The following USP9Y variants were observed in gnomAD, a reference collection of about 807,000 sequenced individuals.
The protein encoded by USP9Y is ubiquitin carboxyl-terminal hydrolase 9Y.
A neutral mutation model predicts 53.1 loss-of-function variants in USP9Y; 41 were observed. That is an observed-to-expected ratio of 0.77 (90% CI 0.60 to 1.00). The LOEUF (loss-of-function observed/expected upper bound fraction) is 1.00, where lower values mean the gene tolerates loss of function less well. USP9Y is among the 50% of genes least tolerant of loss of function. The pLI is 0.00. For synonymous variants in USP9Y, 220 were observed against 173.7 expected, an observed-to-expected ratio of 1.27 and a Z score of -2.09; for missense variants, 567 against 535.8, an observed-to-expected ratio of 1.06 and a Z score of -0.58.
intron 15 of USP9Y, among the ~76,000 whole-genome samples, chrY:12,761,890 A>G (rs2053475696): frequency 3.0e-5 from 1 of 33,765 alleles, no homozygotes; most frequent in African/African-American, 1.2e-4. Context: ...AAAGTCACAT[A>G]AAATAATAGA....
At chrY:12,767,310 T>A in intron 15 of USP9Y, among the ~76,000 whole-genome samples, 3 of 33,111 alleles carry the variant, frequency 9.1e-5, no homozygotes, top group Admixed American at 8.3e-4. Context: ...TCAGCCAAAT[T>A]ATCTTTCAAA....
chrY:12,822,277 C>T (rs2053542278), intron 33 of USP9Y, among the ~76,000 whole-genome samples: 1 of 32,962 alleles, frequency 3.0e-5, no homozygotes, highest in Non-Finnish European at 7.4e-5. Context: ...TGATATTAGG[C>T]CCTTAAAGAT....
intron 14 of USP9Y, among the ~76,000 whole-genome samples, chrY:12,760,144 A>T: frequency 2.9e-5 from 1 of 34,007 alleles, no homozygotes. Flanking sequence ...AGAACTATGT[A>T]TTTTTTGTGA....
intron 2 of USP9Y, 137 bp downstream of exon 2, chrY:12,708,830 G>A: frequency 8.8e-5 from 3 of 34,093 alleles, no homozygotes; most frequent in Admixed American, 8.0e-4. Context: ...TACACATTTA[G>A]CTTTTTATTT....
At chrY:12,792,944 T>C in intron 26 of USP9Y, 88 bp from the exon 27 acceptor site, 1 of 303,011 alleles carries the variant, frequency 3.3e-6, no homozygotes, top group South Asian at 3.2e-5. Flanking sequence ...CTTTACCAAG[T>C]AGGCAATTGT....
At chrY:12,793,922 C>A (rs2053510886) in intron 27 of USP9Y, among the ~76,000 whole-genome samples, 1 of 32,947 alleles carries the variant, frequency 3.0e-5, no homozygotes, top group Non-Finnish European at 7.5e-5. Flanking sequence ...ATTATTTCTA[C>A]CTTTTAGCTC....
intron 7 of USP9Y, among the ~76,000 whole-genome samples, chrY:12,730,005 A>G: frequency 3.6e-5 from 1 of 28,087 alleles, no homozygotes; most frequent in African/African-American, 1.4e-4. Context: ...CCCAGGCTGG[A>G]GTATAGTGGT....
At chrY:12,707,736 T>G in intron 1 of USP9Y, among the ~76,000 whole-genome samples, 1 of 30,928 alleles carries the variant, frequency 3.2e-5, no homozygotes, top group Non-Finnish European at 7.7e-5. Context: ...AGTTTTAATT[T>G]TTTTCTTTTT....
At chrY:12,775,234 T>C (rs752450217) in intron 17 of USP9Y, among the ~76,000 whole-genome samples, 42 of 32,801 alleles carry the variant, frequency 1.3e-3, no homozygotes, top group Middle Eastern at 0.014. Context: ...AAGTTAAATA[T>C]TATCACTTGA....
At position 12,790,532 on chromosome Y, in the gene USP9Y, G is replaced by A; in HGVS notation, c.3687G>A (p.Glu1229=). ...SILLAQEISN[E]ASRYMPDICV... is the part of the protein sequence containing the mutation. ...TTCTTGCTCAGGAAATATCTAATGA[G>A]GTTAGTATGAAAGTTAGACAGTTCT... The change falls in exon 25 of 46, where the codon GAG becomes GAA. Residue 1229 remains glutamate, a splice_region_variant and synonymous_variant. Coordinates refer to ENST00000338981, the MANE Select transcript of USP9Y (RefSeq NM_004654.4). 1.5e-5 allele frequency: 6 copies of A among 392,357 alleles called. No individual in the cohort carries two copies. The highest frequency in any genetic ancestry group is 6.5e-5 in the African/African-American group (1 of 15,360).
intron 15 of USP9Y, among the ~76,000 whole-genome samples, chrY:12,764,542 G>A: frequency 3.0e-5 from 1 of 33,571 alleles, no homozygotes; most frequent in Non-Finnish European, 7.4e-5. Flanking sequence ...GATAATATGT[G>A]AAATGAACAT....
chrY:12,725,075 AT>A (rs1244020030), intron 5 of USP9Y, 37 bp from the exon 6 acceptor site: 10 of 334,341 alleles, frequency 3.0e-5, no homozygotes, highest in South Asian at 2.5e-4. Context: ...TGGCCAAATA[AT>A]TTTTTTTAAA....
intron 4 of USP9Y, chrY:12,721,037 TA>T (rs2053435334): frequency 1.4e-5 from 1 of 73,257 alleles, no homozygotes; most frequent in African/African-American, 1.0e-4. Flanking sequence ...GACAAATAGG[TA>T]GGTATTTTGT....
Position 12,816,185 on chromosome Y carries a change from A to C in USP9Y, c.4671A>C (p.Gly1557=), listed in dbSNP as rs775821957. The change falls in exon 32 of 46, where the codon GGA becomes GGC. Residue 1557 remains glycine (G), a synonymous_variant. Transcript: ENST00000338981. ...CTGTTGGACCCCGCCCACCAAAAGG[A>C]TTTGTGGGACTCAAAAATGCTGGTG... is the stretch of plus-strand genomic sequence containing the variant. ...LPPVGPRPPK[G]FVGLKNAGAT... 3 of 396,914 alleles carry C rather than the reference A, an allele frequency of 7.6e-6. No homozygotes were observed. The highest frequency in any genetic ancestry group is 1.5e-4 in the Admixed American group (2 of 13,171).
At chrY:12,830,668 G>A (rs2148291013) in intron 33 of USP9Y, among the ~76,000 whole-genome samples, 1 of 33,307 alleles carries the variant, frequency 3.0e-5, no homozygotes, top group Non-Finnish European at 7.4e-5. Context: ...CTAAGATAAC[G>A]AACAAGGCAA....
At chrY:12,726,534 G>A in intron 6 of USP9Y, 41 bp from the exon 7 acceptor site, 1 of 320,838 alleles carries the variant, frequency 3.1e-6, no homozygotes, top group East Asian at 9.5e-5. Flanking sequence ...ATTGCAATGT[G>A]TTCTTATTAT....
intron 4 of USP9Y, among the ~76,000 whole-genome samples, chrY:12,721,777 G>A: frequency 6.1e-5 from 2 of 32,817 alleles, no homozygotes; most frequent in African/African-American, 1.2e-4. Flanking sequence ...CCCAAAGAGC[G>A]TTTTCCTACT....
In USP9Y at chrY:12,739,645, G is replaced by A; in HGVS notation, c.1422+16G>A. ...TTGCTTTAAGGTAGTAGCTTGAATA[G>A]TAAAGTATTGCCAAATAGTAAATAT... On this transcript the variant is annotated intron_variant, in intron 12 of 45. Transcript: ENST00000338981. The A allele has an allele frequency of 3.2e-6, 1 of 308,967 alleles. No individual in the cohort carries two copies. The highest frequency in any genetic ancestry group is 4.9e-6 in the Non-Finnish European group (1 of 204,988). The allele number at this position is 308,967 out of a possible 400,897, so 77.1% of individuals were successfully genotyped here. A position where few individuals can be genotyped will look rare whatever the true frequency, so the allele number is the denominator to read the frequency against.
Position 12,778,132 on chromosome Y carries a change from G to A in USP9Y, c.2753G>A (p.Arg918Gln), listed in dbSNP as rs1404464738. 5.0e-6 allele frequency: 2 copies of A among 397,909 alleles called. No homozygotes were observed. The highest frequency in any genetic ancestry group is 3.0e-5 in the South Asian group (1 of 33,734). Residue 918 changes from arginine to glutamine, a missense_variant, in exon 20 of 46, where the codon CGA (arginine) becomes CAA (glutamine). Physicochemically the swap from Arg to Gln is conservative, Grantham distance 43. Coordinates refer to ENST00000338981, the MANE Select transcript of USP9Y (RefSeq NM_004654.4). The part of the protein sequence containing the change: ...HTNDTIGSVR[R>Q]CIVNRIKANV... ...AATGACACAATTGGTTCAGTACGGC[G>A]ATGTATTGTTAATCGTATTAAAGCC...
Sources: gnomAD v4.1 joint callset for allele counts (sites outside exome capture counted in the v4.1 genomes callset) on GRCh38, gnomAD v4.1.1 for gene constraint, MANE v1.5 for transcripts, NCBI Gene and HGNC (gene_info 2026-07-23, HGNC 2026-07-21) for gene names.